The following DNMT3B variants were observed in gnomAD, a reference collection of about 807,000 sequenced individuals.
The protein encoded by DNMT3B is DNA (cytosine-5)-methyltransferase 3B.
DNMT3B carries 37 observed loss-of-function variants against 120.2 expected under a neutral mutation model. The observed-to-expected ratio is 0.31, with a 90% CI of 0.24 to 0.40. The LOEUF (loss-of-function observed/expected upper bound fraction) is 0.40. Among genes scored for constraint, DNMT3B ranks in the 10% least tolerant of loss-of-function variants. DNMT3B has a pLI of 1.00. For missense variants in DNMT3B, 878 were observed against 1,137.3 expected, an observed-to-expected ratio of 0.77 and a Z score of 3.28; for synonymous variants, 412 against 442.8, an observed-to-expected ratio of 0.93 and a Z score of 0.87.
chr20:32,764,122 G>C (rs1987152022), intron 1 of DNMT3B, among the ~76,000 whole-genome samples: 1 of 152,094 alleles, frequency 6.6e-6, no homozygotes, highest in Admixed American at 6.5e-5. Context: ...CACGGGCTAA[G>C]CAAGCTTCCT....
At chr20:32,799,398 T>C (rs1247294326) in intron 16 of DNMT3B, 70 bp downstream of exon 16, 4 of 1,534,960 alleles carry the variant, frequency 2.6e-6, no homozygotes, top group Non-Finnish European at 1.8e-6. Context: ...TCAGAAGGCA[T>C]GGTTAAGGTG....
chr20:32,763,498 C>G (rs111593183), intron 1 of DNMT3B, among the ~76,000 whole-genome samples: 1 of 152,240 alleles, frequency 6.6e-6, no homozygotes, highest in Non-Finnish European at 1.5e-5. Context: ...GCCTAACTCC[C>G]GTGTGCGGCT....
At chr20:32,798,066 C>T (rs1405238413) in intron 14 of DNMT3B, among the ~76,000 whole-genome samples, 1 of 152,126 alleles carries the variant, frequency 6.6e-6, no homozygotes, top group East Asian at 1.9e-4. Context: ...CTCAGCCTCC[C>T]AAAGCCCCAG....
intron 1 of DNMT3B, among the ~76,000 whole-genome samples, chr20:32,770,787 T>C (rs1987681356): frequency 6.6e-6 from 1 of 151,574 alleles, no homozygotes; most frequent in Admixed American, 6.6e-5. Context: ...TAATTTTGTA[T>C]TTTTAGTGGA....
rs1425226628 is a variant in DNMT3B at position 32,762,416 on chromosome 20, C to T, written c.-290C>T. On this transcript the variant is annotated 5_prime_UTR_variant, in exon 1 of 23. Transcript: ENST00000328111. The stretch of plus-strand genomic sequence containing the variant: ...TCCCGCTGCCCCGTCCGGCCCGCGC[C>T]GCTTCCTCGCAGCAGCTGCTCCCGG... 1.3e-5 allele frequency: 2 copies of T among 155,470 alleles called. No homozygotes were observed. The highest frequency in any genetic ancestry group is 2.0e-4 in the South Asian group (1 of 5,084). 9.6% of individuals were successfully genotyped at this position (155,470 alleles called of 1,614,324 possible). A position where few individuals can be genotyped will look rare whatever the true frequency, so the allele number is the denominator to read the frequency against.
chr20:32,786,346 A>T (rs573171393), intron 4 of DNMT3B, among the ~76,000 whole-genome samples, 156 bp from the exon 5 acceptor site: 10 of 152,314 alleles, frequency 6.6e-5, no homozygotes, highest in African/African-American at 2.4e-4. Context: ...GGCTGGACTC[A>T]GTCCAGAGTC....
At chr20:32,783,449 G>A (rs777247897) in intron 3 of DNMT3B, among the ~76,000 whole-genome samples, 4 of 151,932 alleles carry the variant, frequency 2.6e-5, no homozygotes, top group African/African-American at 7.3e-5. Flanking sequence ...TACTGACACC[G>A]TCTGTTTCCT....
In DNMT3B at chr20:32,796,865, G is replaced by T; in HGVS notation, c.1373G>T (p.Cys458Phe). ...TTTGAGGGGGGGCTCTGTCAGACAT[G>T]CCGGGTAAGTCCTCCTACTACTGCC... ...PLFEGGLCQT[C>F]RDRFLELFYM... The change falls in exon 13 of 23, where the codon TGC becomes TTC. Residue 458 changes from cysteine (C) to phenylalanine (F), a missense_variant. By Grantham distance (205) the Cys-to-Phe change is radical. Around this residue, in one of 4 missense-constraint regions of DNMT3B, gnomAD observed 207 missense variants for 222.6 expected, o/e 0.93. Transcript: ENST00000328111. 1 of 1,614,166 alleles carries T rather than the reference G, an allele frequency of 6.2e-7. No homozygotes were observed. Among genetic ancestry groups the T allele is most frequent in the Non-Finnish European group, 8.5e-7 (1 of 1,180,040 alleles).
chr20:32,786,463 G>A, intron 4 of DNMT3B, 39 bp from the exon 5 acceptor site: 1 of 1,613,598 alleles, frequency 6.2e-7, no homozygotes, highest in Non-Finnish European at 8.5e-7. Flanking sequence ...CAGGCCTCCA[G>A]TCACCTAAGG....
chr20:32,783,196 G>C (rs1268563393), intron 3 of DNMT3B, among the ~76,000 whole-genome samples: 3 of 152,018 alleles, frequency 2.0e-5, no homozygotes, highest in Non-Finnish European at 4.4e-5. Context: ...CAAAGTGCTG[G>C]GATTACAAGT....
Position 32,799,448 on chromosome 20 carries a change from G to C in DNMT3B, c.1759+120G>C, listed in dbSNP as rs1981055173. 4 of 1,161,100 alleles carry C rather than the reference G, an allele frequency of 3.4e-6. No individual in the cohort carries two copies. The South Asian group carries it at 3.9e-5, about 11-fold the overall frequency. 71.9% of individuals were successfully genotyped at this position (1,161,100 alleles called of 1,614,324 possible). A position where few individuals can be genotyped will look rare whatever the true frequency, so the allele number is the denominator to read the frequency against. On this transcript the variant is annotated intron_variant, in intron 16 of 22. Coordinates refer to ENST00000328111, the MANE Select transcript of DNMT3B (RefSeq NM_006892.4). ...CAAGAAAGGTCCCTGGGGATTACCA[G>C]CCCTGAAAAAAACCCTGTCTCCTTG...
intron 1 of DNMT3B, among the ~76,000 whole-genome samples, chr20:32,773,758 A>AGT (rs1642866278): frequency 6.6e-6 from 1 of 151,726 alleles, no homozygotes; most frequent in African/African-American, 2.4e-5. Context: ...ACTACAGGCG[A>AGT]GTAGCTAGGA....
rs570232890 is a variant in DNMT3B at position 32,767,656 on chromosome 20, C to T, written c.-7+4957C>T. On this transcript the variant is annotated intron_variant, in intron 1 of 22. Transcript: ENST00000328111. The stretch of plus-strand genomic sequence containing the variant: ...CTCACTATGTTGCCCCAGCTGGTCT[C>T]AAACTCCTCGGCTCAAGCAATCCTG... 3.9e-5 allele frequency among the ~76,000 whole-genome samples: 6 copies of T among 152,266 alleles called. No individual in the cohort carries two copies. In the East Asian group the frequency reaches 1.2e-3, roughly 29 times the overall value.
chr20:32,801,730 G>C (rs897008869), intron 19 of DNMT3B, among the ~76,000 whole-genome samples: 1 of 152,062 alleles, frequency 6.6e-6, no homozygotes, highest in East Asian at 1.9e-4. Context: ...GACTACAGGG[G>C]CACACCACCG....
In DNMT3B at chr20:32,787,378, A is replaced by G; in HGVS notation, c.581A>G (p.Asp194Gly). The change falls in exon 6 of 23, where the codon GAC (aspartate) becomes GGC (glycine). Residue 194 changes from aspartate (D) to glycine (G), a missense_variant. Physicochemically the swap from Asp to Gly is moderately conservative, Grantham distance 94. Transcript: ENST00000328111. ...SSTPYARLAQDSQQGGMESPQ... is the reference protein window; with the variant it reads ...SSTPYARLAQGSQQGGMESPQ... ...ACCCCCTACGCCCGCCTAGCCCAGG[A>G]CAGCCAGCAGGGGGGCATGGAGTCC... 1 of 1,614,200 alleles carries G rather than the reference A, an allele frequency of 6.2e-7. No individual in the cohort carries two copies.
At chr20:32,770,610 C>T (rs1601049453) in intron 1 of DNMT3B, among the ~76,000 whole-genome samples, 1 of 144,784 alleles carries the variant, frequency 6.9e-6, no homozygotes. Flanking sequence ...CTCCGCCTTA[C>T]TTTTTTTTTT....
chr20:32,799,876 C>T (rs1981107151), intron 16 of DNMT3B, among the ~76,000 whole-genome samples: 1 of 152,198 alleles, frequency 6.6e-6, no homozygotes, highest in Non-Finnish European at 1.5e-5. Context: ...TTTTTATGTG[C>T]AGTTATCTTG....
At chr20:32,794,672 C>T (rs1378956697) in intron 10 of DNMT3B, among the ~76,000 whole-genome samples, 2 of 152,106 alleles carry the variant, frequency 1.3e-5, no homozygotes, top group Non-Finnish European at 2.9e-5. Flanking sequence ...GAAATTAATA[C>T]AAATCATGAT....
At chr20:32,767,907 ATG>A (rs1987482870) in intron 1 of DNMT3B, among the ~76,000 whole-genome samples, 1 of 152,118 alleles carries the variant, frequency 6.6e-6, no homozygotes, top group African/African-American at 2.4e-5. Flanking sequence ...GTCCTGTTGT[ATG>A]TGTGTGTTCT....
Sources: allele counts gnomAD v4.1 joint callset (sites outside exome capture counted in the v4.1 genomes callset), GRCh38; gene constraint gnomAD v4.1.1; regional missense constraint gnomAD v4.1.1; transcripts MANE v1.5; gene names NCBI Gene and HGNC (gene_info 2026-07-23, HGNC 2026-07-21).